GTF2E2: variants seen among roughly 807,000 people sequenced by gnomAD.
GTF2E2 encodes the protein transcription initiation factor IIE subunit beta.
A neutral mutation model predicts 40.5 loss-of-function variants in GTF2E2; 21 were observed. The ratio of observed to expected loss-of-function variants is 0.52; its 90% CI spans 0.37 to 0.75. The LOEUF is 0.75. Ranked by LOEUF, GTF2E2 falls within the 30% of genes least tolerant of loss-of-function variation. The pLI, the probability that GTF2E2 is intolerant of heterozygous loss-of-function variation, is 0.00. For missense variants in GTF2E2, 298 were observed against 338.4 expected (o/e 0.88, Z 0.94); for synonymous variants, 117 against 121.6 (o/e 0.96, Z 0.25).
chr8:30,657,293 C>T (rs1802477941), intron 1 of GTF2E2, among the ~76,000 whole-genome samples: 1 of 152,218 alleles, frequency 6.6e-6, no homozygotes, highest in South Asian at 2.1e-4. Flanking sequence ...TTGGCTGGTT[C>T]CTCCGTGGGC....
At chr8:30,645,228 A>C (rs1802023120) in intron 2 of GTF2E2, 39 of 1,351,974 alleles carry the variant, frequency 2.9e-5, no homozygotes, top group Non-Finnish European at 3.6e-5. Context: ...CTGAGATTTG[A>C]ATTAACAGAT....
intron 6 of GTF2E2, among the ~76,000 whole-genome samples, chr8:30,596,033 G>C (rs1828995706): frequency 6.6e-6 from 1 of 152,008 alleles, no homozygotes; most frequent in African/African-American, 2.4e-5. Context: ...TTTTCCTCTG[G>C]AATTAGTCTC....
chr8:30,646,963 G>C (rs1802100695), intron 2 of GTF2E2, among the ~76,000 whole-genome samples: 1 of 103,432 alleles, frequency 9.7e-6, no homozygotes, highest in African/African-American at 4.0e-5. Context: ...CTGGGTGACA[G>C]AGCAAGACTC....
chr8:30,640,271 G>C (rs574434513), intron 2 of GTF2E2, among the ~76,000 whole-genome samples: 36 of 152,042 alleles, frequency 2.4e-4, no homozygotes, highest in Non-Finnish European at 2.8e-4. Context: ...CAATTCAAAG[G>C]CTTTTACCAT....
chr8:30,645,519 G>C lies in GTF2E2; in HGVS notation c.166+7914C>G, dbSNP rs145837810. Reference sequence around the variant, plus strand: ...GCTGCTGTGTAAAAAACAAAACCGTGAAAGACTTGAAAAGTGAACCCAACC... The same window carrying C: ...GCTGCTGTGTAAAAAACAAAACCGTCAAAGACTTGAAAAGTGAACCCAACC... On this transcript the variant is annotated intron_variant, in intron 2 of 7. Transcript: ENST00000355904. The C allele has an allele frequency of 3.3e-6, 5 of 1,535,642 alleles. No homozygotes were observed. The East Asian group carries it at 7.3e-5, about 23-fold the overall frequency.
At chr8:30,633,829 G>A (rs79221633) in intron 3 of GTF2E2, among the ~76,000 whole-genome samples, 3,973 of 152,176 alleles carry the variant, frequency 0.026, 184 homozygotes, top group African/African-American at 0.091. Context: ...GAATACTTAC[G>A]TGTCAAAATA....
intron 2 of GTF2E2, among the ~76,000 whole-genome samples, chr8:30,651,172 ACTAT>A (rs941136805): frequency 1.3e-5 from 2 of 152,196 alleles, no homozygotes; most frequent in African/African-American, 4.8e-5. Flanking sequence ...AGCTACTTTT[ACTAT>A]TCAATGTACA....
intron 3 of GTF2E2, among the ~76,000 whole-genome samples, chr8:30,633,189 T>G (rs1273776088): frequency 6.6e-6 from 1 of 152,174 alleles, no homozygotes; most frequent in Non-Finnish European, 1.5e-5. Context: ...ATATTTCAAT[T>G]TATTTACATA....
intron 2 of GTF2E2, chr8:30,643,494 A>C (rs2128727229): frequency 6.6e-6 from 1 of 152,246 alleles, no homozygotes; most frequent in African/African-American, 2.4e-5. Flanking sequence ...CGTTTCTACT[A>C]AAAATACAAA....
intron 3 of GTF2E2, among the ~76,000 whole-genome samples, chr8:30,631,330 T>C (rs1015016009): frequency 6.6e-6 from 1 of 152,198 alleles, no homozygotes. Context: ...AATTTAAATA[T>C]AAGTAATTCT....
rs144991013 is a variant in GTF2E2 at position 30,653,538 on chromosome 8, C to A, written c.61G>T (p.Val21Leu). The A allele has an allele frequency of 1.9e-6, 3 of 1,613,238 alleles. No homozygotes were observed. Among genetic ancestry groups the A allele is most frequent in the Non-Finnish European group, 2.5e-6 (3 of 1,179,274 alleles). Reference protein sequence around the residue: ...LFKKRALSTPVVEKRSASSES... With the variant: ...LFKKRALSTPLVEKRSASSES... ...GAAGATGCTGAACGTTTTTCTACTA[C>A]AGGAGTAGAAAGAGCTCGTTTTTTG... is the stretch of plus-strand genomic sequence containing the variant. The change falls in exon 2 of 8, where the codon GTA (valine) becomes TTA (leucine). Residue 21 changes from valine (V) to leucine (L), a missense_variant. By Grantham distance (32) the Val-to-Leu change is conservative (BLOSUM62 1). Coordinates refer to ENST00000355904, the MANE Select transcript of GTF2E2 (RefSeq NM_002095.6).
chr8:30,636,857 TAAAAA>T (rs35494159), intron 2 of GTF2E2: 6 of 295,530 alleles, frequency 2.0e-5, no homozygotes, highest in African/African-American at 2.6e-5. Flanking sequence ...GTCTCAAAAT[TAAAAA>T]AAAAAAAAAA....
chr8:30,612,539 A>T (rs970474033), intron 4 of GTF2E2, 58 bp from the exon 5 acceptor site: 142 of 1,014,522 alleles, frequency 1.4e-4, no homozygotes, highest in Middle Eastern at 3.3e-4. Flanking sequence ...ATATATATAT[A>T]TTTTTGAAAC....
At chr8:30,619,314 C>T (rs1182010021) in intron 3 of GTF2E2, among the ~76,000 whole-genome samples, 2 of 151,506 alleles carry the variant, frequency 1.3e-5, no homozygotes, top group African/African-American at 2.4e-5. Context: ...AGACAAAACC[C>T]TTCTATGAGT....
In GTF2E2 at chr8:30,614,643, T is replaced by C; in HGVS notation, c.331A>G (p.Ile111Val). The C allele has an allele frequency of 6.2e-7, 1 of 1,604,118 alleles. No individual in the cohort carries two copies. Among genetic ancestry groups the C allele is most frequent in the Non-Finnish European group, 8.5e-7 (1 of 1,171,140 alleles). ...EILDETQHLD[I>V]GLKQKQWLMT... ...AGCCATTGTTTCTGCTTGAGTCCAA[T>C]ATCTAAATGTTGTGTTTCATCCAAA... Residue 111 changes from isoleucine (I) to valine (V), a missense_variant, in exon 4 of 8, where the codon ATT (isoleucine) becomes GTT (valine). By Grantham distance (29) the Ile-to-Val change is conservative. Coordinates refer to ENST00000355904, the MANE Select transcript of GTF2E2 (RefSeq NM_002095.6).
chr8:30,580,453 T>G, intron 6 of GTF2E2, 57 bp from the exon 7 acceptor site: 2 of 972,932 alleles, frequency 2.1e-6, no homozygotes, highest in Non-Finnish European at 3.3e-6. Context: ...TATAGCATCT[T>G]GATCAAAATC....
chr8:30,601,709 G>C (rs1009403045), intron 6 of GTF2E2, among the ~76,000 whole-genome samples: 3 of 152,136 alleles, frequency 2.0e-5, no homozygotes, highest in African/African-American at 7.2e-5. Flanking sequence ...TATAAACAAA[G>C]TATTTTTGGC....
chr8:30,622,692 CA>C (rs1185709786), intron 3 of GTF2E2, among the ~76,000 whole-genome samples: 3 of 151,926 alleles, frequency 2.0e-5, no homozygotes, highest in Admixed American at 6.6e-5. Context: ...TGGCCACAGC[CA>C]GGGGGGCCGT....
intron 6 of GTF2E2, among the ~76,000 whole-genome samples, chr8:30,585,697 C>T (rs1457527655): frequency 2.0e-5 from 3 of 149,690 alleles, no homozygotes; most frequent in Non-Finnish European, 3.0e-5. Flanking sequence ...ATAATTCACG[C>T]ACTTGCCACT....
Sources: allele counts gnomAD v4.1 joint callset (sites outside exome capture counted in the v4.1 genomes callset), GRCh38; gene constraint gnomAD v4.1.1; transcripts MANE v1.5; gene names NCBI Gene and HGNC (gene_info 2026-07-23, HGNC 2026-07-21).